Variants in PIGK observed in about 807,000 individuals in gnomAD.
PIGK encodes phosphatidylinositol glycan anchor biosynthesis class K, also known as GPI-anchor transamidase.
Under a neutral mutation model 50.6 loss-of-function variants are expected in PIGK, and 42 were observed. That is an observed-to-expected ratio of 0.83 (90% CI 0.65 to 1.07). The LOEUF (loss-of-function observed/expected upper bound fraction) is 1.07. Among genes scored for constraint, PIGK ranks in the 50% least tolerant of loss-of-function variants. The pLI is 0.00. For missense variants in PIGK, 448 were observed against 488.7 expected (o/e 0.92, Z 0.78); for synonymous variants, 151 against 156.0 (o/e 0.97, Z 0.24).
chr1:77,200,998 A>G (rs551491735), intron 3 of PIGK, among the ~76,000 whole-genome samples: 3 of 152,354 alleles, frequency 2.0e-5, no homozygotes, highest in African/African-American at 2.4e-5. Flanking sequence ...GAAAGCCACA[A>G]GTATTTTTAA....
intron 10 of PIGK, among the ~76,000 whole-genome samples, chr1:77,098,599 A>AT (rs2100509420): frequency 6.6e-6 from 1 of 152,206 alleles, no homozygotes; most frequent in South Asian, 2.1e-4. Flanking sequence ...TTGGCCTCCT[A>AT]AAGTGTTAGG....
chr1:77,167,216 T>C (rs977845839), intron 4 of PIGK, among the ~76,000 whole-genome samples: 1 of 152,040 alleles, frequency 6.6e-6, no homozygotes, highest in South Asian at 2.1e-4. Flanking sequence ...CCAGGTATGG[T>C]AACATGCTCC....
chr1:77,136,825 T>A (rs1405859892), intron 9 of PIGK, among the ~76,000 whole-genome samples: 1 of 152,240 alleles, frequency 6.6e-6, no homozygotes. Context: ...ATTATCTTCA[T>A]GTCTCATAAC....
intron 3 of PIGK, among the ~76,000 whole-genome samples, chr1:77,201,044 G>A (rs555679584): frequency 6.6e-6 from 1 of 152,226 alleles, no homozygotes; most frequent in East Asian, 1.9e-4. Context: ...CAGTAAGATT[G>A]CTAAACAGCT....
intron 1 of PIGK, among the ~76,000 whole-genome samples, chr1:77,218,987 T>A (rs1656654734): frequency 6.6e-6 from 1 of 152,006 alleles, no homozygotes; most frequent in Non-Finnish European, 1.5e-5. Flanking sequence ...AGGGCTGCAG[T>A]TGAGTAGTAG....
chr1:77,153,019 A>G (rs1445608333), intron 9 of PIGK, among the ~76,000 whole-genome samples: 3 of 152,208 alleles, frequency 2.0e-5, no homozygotes, highest in African/African-American at 4.8e-5. Context: ...CTAGCTACAT[A>G]TCCAGAAAAA....
At chr1:77,113,260 A>G (rs1490699909) in intron 10 of PIGK, among the ~76,000 whole-genome samples, 1 of 152,124 alleles carries the variant, frequency 6.6e-6, no homozygotes, top group Non-Finnish European at 1.5e-5. Flanking sequence ...TAAGTTGATG[A>G]AGATGTAATA....
intron 8 of PIGK, among the ~76,000 whole-genome samples, chr1:77,156,561 G>C (rs547280198): frequency 6.6e-6 from 1 of 152,110 alleles, no homozygotes; most frequent in East Asian, 1.9e-4. Flanking sequence ...TATTTCCTTA[G>C]TGTATGCTAT....
At chr1:77,218,566 A>C (rs999260982) in intron 1 of PIGK, among the ~76,000 whole-genome samples, 4 of 152,120 alleles carry the variant, frequency 2.6e-5, no homozygotes, top group Admixed American at 2.0e-4. Context: ...TTTTAAGAGG[A>C]GGTAGGATAA....
Position 77,161,401 on chromosome 1 carries a change from T to G in PIGK, c.707A>C (p.Gln236Pro). 6.5e-7 allele frequency: 1 copy of G among 1,547,190 alleles called. No homozygotes were observed. The highest frequency in any genetic ancestry group is 8.9e-7 in the Non-Finnish European group (1 of 1,119,294). ...SQVGEDSLSH[Q>P]PDPAIGVHLM... The stretch of plus-strand genomic sequence containing the variant: ...ATGGACTCCAATTGCAGGATCAGGT[T>G]GATGCTATGGAAAGGGGGAAAAAAA... The change falls in exon 8 of 11, where the codon CAA (glutamine) becomes CCA (proline). Residue 236 changes from glutamine to proline, a missense_variant. Transcript: ENST00000370812.
intron 3 of PIGK, among the ~76,000 whole-genome samples, chr1:77,195,893 G>A (rs1447666763): frequency 2.0e-5 from 3 of 152,098 alleles, no homozygotes; most frequent in Non-Finnish European, 4.4e-5. Flanking sequence ...GGTATATTGT[G>A]TAATGCTGAG....
intron 10 of PIGK, among the ~76,000 whole-genome samples, chr1:77,106,825 T>A (rs1340521506): frequency 1.3e-5 from 2 of 152,152 alleles, no homozygotes; most frequent in South Asian, 2.1e-4. Context: ...CTAGCAATGT[T>A]ACAGATTGAA....
Position 77,091,301 on chromosome 1 carries a change from TC to T in PIGK, c.*1072del, listed in dbSNP as rs1653291286. The T allele has an allele frequency of 6.6e-6, 1 of 152,196 alleles. No individual in the cohort carries two copies. Among genetic ancestry groups the T allele is most frequent in the Non-Finnish European group, 1.5e-5 (1 of 68,020 alleles). 9.4% of individuals were successfully genotyped at this position (152,196 alleles called of 1,614,324 possible). On this transcript the variant is annotated 3_prime_UTR_variant, in exon 11 of 11. Transcript: ENST00000370812. Reference sequence around the variant, plus strand: ...AAATGTCAGTGATGGGGATATGAGCTCTTGCATCTTACCAGAGACTAGAAAA... The same window carrying T: ...AAATGTCAGTGATGGGGATATGAGCTTTGCATCTTACCAGAGACTAGAAAA...
At chr1:77,144,951 T>C (rs770203514) in intron 9 of PIGK, among the ~76,000 whole-genome samples, 4 of 151,978 alleles carry the variant, frequency 2.6e-5, no homozygotes, top group Non-Finnish European at 4.4e-5. Context: ...TGTGGAATTA[T>C]ACTGATGAGT....
chr1:77,118,607 C>T lies in PIGK; in HGVS notation c.1071+3668G>A, dbSNP rs558819333. ...TACTTTTCTAATTGTTTTGCCATTT[C>T]GCATTTTTTGCATTAAGCTTTAATC... On this transcript the variant is annotated intron_variant, in intron 10 of 10. Coordinates refer to ENST00000370812, the MANE Select transcript of PIGK (RefSeq NM_005482.3). 1.9e-4 allele frequency among the ~76,000 whole-genome samples: 29 copies of T among 152,278 alleles called. 1 individual carries two copies. In the South Asian group the frequency reaches 4.4e-3, roughly 23 times the overall value.
At chr1:77,217,932 GCAGT>G (rs1305978134) in intron 1 of PIGK, among the ~76,000 whole-genome samples, 1 of 152,102 alleles carries the variant, frequency 6.6e-6, no homozygotes, top group Non-Finnish European at 1.5e-5. Context: ...CCAAGATGAA[GCAGT>G]CAAAGTTAGA....
chr1:77,133,945 C>T (rs999900603), intron 9 of PIGK, among the ~76,000 whole-genome samples: 2 of 152,136 alleles, frequency 1.3e-5, no homozygotes, highest in African/African-American at 2.4e-5. Context: ...ATCACTCTGT[C>T]CCCGTTAGTA....
At chr1:77,152,029 G>T (rs1256903354) in intron 9 of PIGK, among the ~76,000 whole-genome samples, 1 of 151,982 alleles carries the variant, frequency 6.6e-6, no homozygotes, top group Non-Finnish European at 1.5e-5. Context: ...AACCACAAAA[G>T]ACCCAGAATA....
intron 9 of PIGK, among the ~76,000 whole-genome samples, chr1:77,151,823 T>G (rs1297937615): frequency 6.6e-6 from 1 of 152,086 alleles, no homozygotes; most frequent in East Asian, 1.9e-4. Flanking sequence ...TACACAAACC[T>G]GATGAAATAA....
Sources: allele counts gnomAD v4.1 joint callset (sites outside exome capture counted in the v4.1 genomes callset), GRCh38; gene constraint gnomAD v4.1.1; transcripts MANE v1.5; gene names NCBI Gene and HGNC (gene_info 2026-07-23, HGNC 2026-07-21).